CACUL1: variants seen among roughly 807,000 people sequenced by gnomAD.
CACUL1 encodes CDK2-associated and cullin domain-containing protein 1.
CACUL1 carries 13 observed loss-of-function variants against 45.2 expected under a neutral mutation model. That is an observed-to-expected ratio of 0.29 (90% confidence interval 0.19 to 0.46). The LOEUF is 0.46. CACUL1 is among the 20% of genes least tolerant of loss of function. The pLI is 1.00. For missense variants in CACUL1, 421 were observed against 471.4 expected (o/e 0.89, Z 0.99); for synonymous variants, 197 against 174.2 (o/e 1.13, Z -1.03).
At chr10:118,733,818 A>C (rs1354362640) in intron 1 of CACUL1, among the ~76,000 whole-genome samples, 2 of 150,742 alleles carry the variant, frequency 1.3e-5, no homozygotes, top group Non-Finnish European at 2.9e-5. Context: ...TCAAGACTAC[A>C]CTGGGAAACA....
At chr10:118,733,883 G>A (rs1845719719) in intron 1 of CACUL1, among the ~76,000 whole-genome samples, 1 of 152,100 alleles carries the variant, frequency 6.6e-6, no homozygotes, top group African/African-American at 2.4e-5. Flanking sequence ...CGAGCGTGGT[G>A]ATGCACACCT....
Position 118,683,821 on chromosome 10 carries a change from C to T in CACUL1, c.*2307G>A, listed in dbSNP as rs1845179546. ...ACTCACTCAGAATTTTTTAGAATCC[C>T]AATAAATAAGCAAAGTCTATTTCAA... On this transcript the variant is annotated 3_prime_UTR_variant, in exon 9 of 9. Coordinates refer to ENST00000369151, the MANE Select transcript of CACUL1 (RefSeq NM_153810.5). 1 of 152,132 alleles carries T rather than the reference C, an allele frequency of 6.6e-6. No homozygotes were observed. The highest frequency in any genetic ancestry group is 1.5e-5 in the Non-Finnish European group (1 of 68,024). The allele number at this position is 152,132 out of a possible 1,614,324, so 9.4% of individuals were successfully genotyped here.
chr10:118,686,877 A>G (rs1845213001), intron 7 of CACUL1: 2 of 506,256 alleles, frequency 4.0e-6, no homozygotes, highest in Non-Finnish European at 7.0e-6. Context: ...TGAAAGTTCT[A>G]ATTCCACTTT....
intron 8 of CACUL1, 82 bp from the exon 9 acceptor site, chr10:118,686,250 T>A: frequency 8.6e-7 from 1 of 1,166,588 alleles, no homozygotes; most frequent in Non-Finnish European, 1.3e-6. Context: ...TCAACACACA[T>A]TTCTCACTCC....
chr10:118,712,393 G>T (rs1297407737), intron 3 of CACUL1, among the ~76,000 whole-genome samples: 1 of 152,246 alleles, frequency 6.6e-6, no homozygotes, highest in Non-Finnish European at 1.5e-5. Context: ...TCCCAGGCTG[G>T]GGCTTCCCGA....
At chr10:118,748,949 A>G (rs1421827295) in intron 1 of CACUL1, among the ~76,000 whole-genome samples, 6 of 152,148 alleles carry the variant, frequency 3.9e-5, no homozygotes, top group Non-Finnish European at 7.4e-5. Flanking sequence ...AGGAAAAGGA[A>G]GAAGAGTCAG....
At chr10:118,701,052 G>A (rs1297041086) in intron 5 of CACUL1, among the ~76,000 whole-genome samples, 1 of 152,090 alleles carries the variant, frequency 6.6e-6, no homozygotes, top group African/African-American at 2.4e-5. Flanking sequence ...CGGCGGGGAG[G>A]GGGCAACAAG....
chr10:118,713,176 ACAGCTGGCCAGG>A (rs1845508054), intron 3 of CACUL1, among the ~76,000 whole-genome samples: 1 of 152,234 alleles, frequency 6.6e-6, no homozygotes, highest in Non-Finnish European at 1.5e-5. Context: ...CAGCGTGTGC[ACAGCTGGCCAGG>A]CTGCGACAGC....
chr10:118,691,523 G>C, intron 6 of CACUL1, 120 bp from the exon 7 acceptor site: 2 of 838,290 alleles, frequency 2.4e-6, no homozygotes, highest in Non-Finnish European at 3.8e-6. Flanking sequence ...GAAAAAATTA[G>C]TGCAATCCCA....
Position 118,754,820 on chromosome 10 carries a change from G to A in CACUL1, c.-58C>T. The A allele has an allele frequency of 6.7e-7, 1 of 1,501,780 alleles. No individual in the cohort carries two copies. The highest frequency in any genetic ancestry group is 1.3e-5 in the South Asian group (1 of 74,248). 93.0% of individuals were successfully genotyped at this position (1,501,780 alleles called of 1,614,324 possible). ...GGCACCTGCCGCCTGTCTCAACCCC[G>A]GGCCAGCGGGCACCGCTGCCTCCCC... is the stretch of plus-strand genomic sequence containing the variant. On this transcript the variant is annotated 5_prime_UTR_variant, in exon 1 of 9. Coordinates refer to ENST00000369151, the MANE Select transcript of CACUL1 (RefSeq NM_153810.5).
intron 6 of CACUL1, chr10:118,693,774 A>C (rs1845294023): frequency 2.2e-6 from 1 of 456,022 alleles, no homozygotes; most frequent in Non-Finnish European, 4.4e-6. Context: ...GTATCAGTTT[A>C]TTGGACATAT....
In CACUL1 at chr10:118,678,653, ATTC is replaced by A. The variant is rs1845120780; in HGVS notation, c.*7472_*7474del. ...TTATCATTTTCTCATTTTAAAATTT[ATTC>A]TTAGGTACTTTTTCTTGTCCTATTA... On this transcript the variant is annotated 3_prime_UTR_variant, in exon 9 of 9. Transcript: ENST00000369151. 1 of 151,626 alleles carries A rather than the reference ATTC, an allele frequency of 6.6e-6. No homozygotes were observed. The highest frequency in any genetic ancestry group is 1.5e-5 in the Non-Finnish European group (1 of 67,936). The allele number at this position is 151,626 out of a possible 1,614,324, so 9.4% of individuals were successfully genotyped here. A position where few individuals can be genotyped will look rare whatever the true frequency, so the allele number is the denominator to read the frequency against.
Position 118,691,117 on chromosome 10 carries a change from A to C in CACUL1, c.1025+148T>G, listed in dbSNP as rs142271161. 14 of 658,168 alleles carry C rather than the reference A, an allele frequency of 2.1e-5. No homozygotes were observed. The East Asian group carries it at 3.7e-4, about 18-fold the overall frequency. 40.8% of individuals were successfully genotyped at this position (658,168 alleles called of 1,614,324 possible). Reference sequence around the variant, plus strand: ...CAAAACCTAGCTTCAACATTTCTACAGACAAGGAGCTAATGTCTTCTTGCA... The same window carrying C: ...CAAAACCTAGCTTCAACATTTCTACCGACAAGGAGCTAATGTCTTCTTGCA... On this transcript the variant is annotated intron_variant, in intron 7 of 8. Transcript: ENST00000369151.
intron 1 of CACUL1, among the ~76,000 whole-genome samples, chr10:118,743,388 A>G (rs1200756677): frequency 6.6e-6 from 1 of 152,192 alleles, no homozygotes; most frequent in Non-Finnish European, 1.5e-5. Context: ...AAATTGCGGA[A>G]AACTTAAGTA....
intron 3 of CACUL1, among the ~76,000 whole-genome samples, chr10:118,714,456 T>G (rs1426090920): frequency 1.3e-5 from 2 of 152,246 alleles, no homozygotes; most frequent in African/African-American, 4.8e-5. Context: ...GTGGTAGATA[T>G]AAATTTTCCA....
chr10:118,732,300 A>G (rs1845704678), intron 1 of CACUL1, among the ~76,000 whole-genome samples: 1 of 152,214 alleles, frequency 6.6e-6, no homozygotes, highest in Admixed American at 6.5e-5. Context: ...TAGATGTGAG[A>G]TGTGAAAGAA....
At chr10:118,748,093 AAGAG>A (rs762737341) in intron 1 of CACUL1, among the ~76,000 whole-genome samples, 1 of 152,160 alleles carries the variant, frequency 6.6e-6, no homozygotes, top group South Asian at 2.1e-4. Context: ...TCCAAAAAAA[AAGAG>A]AGAGACAGAG....
rs148995565 is a variant in CACUL1, at chr10:118,748,999, C to T, written c.367+5397G>A. On this transcript the variant is annotated intron_variant, in intron 1 of 8. Coordinates refer to ENST00000369151, the MANE Select transcript of CACUL1 (RefSeq NM_153810.5). The stretch of plus-strand genomic sequence containing the variant: ...CAGTCAGAACAGAAATTACTTAGTA[C>T]GTGGAGAAATGAGTCCAGACATATG... Among the ~76,000 whole-genome samples the T allele has an allele frequency of 3.1e-4, 47 of 152,144 alleles. No homozygotes were observed. In the East Asian group the frequency reaches 8.3e-3, roughly 27 times the overall value.
At chr10:118,699,955 T>C (rs1296355271) in intron 5 of CACUL1, among the ~76,000 whole-genome samples, 2 of 151,852 alleles carry the variant, frequency 1.3e-5, no homozygotes, top group East Asian at 1.9e-4. Context: ...GCCAAGACAA[T>C]GTTTAAAGAT....
Sources: allele counts gnomAD v4.1 joint callset (sites outside exome capture counted in the v4.1 genomes callset), GRCh38; gene constraint gnomAD v4.1.1; transcripts MANE v1.5; gene names NCBI Gene and HGNC (gene_info 2026-07-23, HGNC 2026-07-21).